The following STK39 variants were observed in gnomAD, a reference collection of about 807,000 sequenced individuals.
STK39 encodes STE20/SPS1-related proline-alanine-rich protein kinase.
In STK39, 20 loss-of-function variants were observed where a neutral mutation model predicts 77.8. The ratio of observed to expected loss-of-function variants is 0.26; its 90% CI spans 0.18 to 0.37. The LOEUF (loss-of-function observed/expected upper bound fraction) is 0.37. Ranked by LOEUF, STK39 falls within the 10% of genes least tolerant of loss-of-function variation. The pLI is 1.00. For synonymous variants in STK39, 246 were observed against 234.1 expected (o/e 1.05, Z -0.47); for missense variants, 479 against 656.5 (o/e 0.73, Z 2.95).
At chr2:168,016,675 C>T (rs1284585365) in intron 15 of STK39, among the ~76,000 whole-genome samples, 1 of 152,212 alleles carries the variant, frequency 6.6e-6, no homozygotes, top group East Asian at 1.9e-4. Flanking sequence ...AAGTATGTTA[C>T]CTTTCTGTAT....
intron 1 of STK39, among the ~76,000 whole-genome samples, chr2:168,242,591 AT>A: frequency 2.3e-5 from 3 of 131,060 alleles, no homozygotes; most frequent in African/African-American, 8.8e-5. Flanking sequence ...ATATATATAT[AT>A]ATATAAAGAG....
intron 1 of STK39, among the ~76,000 whole-genome samples, chr2:168,245,957 G>A (rs929718842): frequency 6.6e-6 from 1 of 151,914 alleles, no homozygotes; most frequent in African/African-American, 2.4e-5. Context: ...ATATTTTTAT[G>A]TATATATTTA....
chr2:168,036,205 C>CAG (rs1196282232), intron 14 of STK39, among the ~76,000 whole-genome samples: 1 of 151,260 alleles, frequency 6.6e-6, no homozygotes, highest in East Asian at 1.9e-4. Flanking sequence ...AACCACAGTA[C>CAG]TGTGAGTCCA....
intron 1 of STK39, among the ~76,000 whole-genome samples, chr2:168,243,112 A>G (rs928355625): frequency 1.3e-5 from 2 of 152,306 alleles, no homozygotes; most frequent in African/African-American, 2.4e-5. Flanking sequence ...GGAGATCAGA[A>G]CACACTCAGT....
Position 168,075,175 on chromosome 2 carries a change from C to T in STK39, c.1146G>A (p.Trp382Ter). 6.2e-7 allele frequency: 1 copy of T among 1,614,180 alleles called. No homozygotes were observed. Among genetic ancestry groups the T allele is most frequent in the Non-Finnish European group, 8.5e-7 (1 of 1,180,040 alleles). ...GHLHKTEDGDWEWSDDEMDEK... is the reference protein window; with the variant it reads ...GHLHKTEDGD ...CATCCATCTCGTCGTCACTCCACTCCCAGTCCCCGTCTTCGGTTTTATGAA... is the reference window on the plus strand; with the variant it reads ...CATCCATCTCGTCGTCACTCCACTCTCAGTCCCCGTCTTCGGTTTTATGAA... Residue 382 changes from tryptophan to a stop codon, truncating the protein, a stop_gained, in exon 11 of 18, where the codon TGG becomes TGA. Transcript: ENST00000355999. LOFTEE classifies it high-confidence loss of function.
At chr2:168,172,460 T>C (rs1688852721) in intron 2 of STK39, among the ~76,000 whole-genome samples, 1 of 152,220 alleles carries the variant, frequency 6.6e-6, no homozygotes, top group Non-Finnish European at 1.5e-5. Flanking sequence ...TATACCACCT[T>C]GTCATACTTC....
At chr2:168,216,350 G>A (rs1252630678) in intron 1 of STK39, among the ~76,000 whole-genome samples, 1 of 152,226 alleles carries the variant, frequency 6.6e-6, no homozygotes, top group East Asian at 1.9e-4. Flanking sequence ...CTTGAGGTTG[G>A]TTTGGGTTTT....
At chr2:168,063,594 G>A in intron 13 of STK39, 24 bp from the exon 14 acceptor site, 1 of 1,593,886 alleles carries the variant, frequency 6.3e-7, no homozygotes, top group Non-Finnish European at 8.6e-7. Context: ...ACAGCAAACA[G>A]TGTTATAAAC....
At chr2:167,968,381 A>T (rs549136350) in intron 16 of STK39, among the ~76,000 whole-genome samples, 1 of 152,340 alleles carries the variant, frequency 6.6e-6, no homozygotes, top group East Asian at 1.9e-4. Flanking sequence ...GACAGTTAGA[A>T]AAATAAGTTA....
chr2:167,984,753 C>T (rs532594761), intron 16 of STK39, among the ~76,000 whole-genome samples: 1 of 152,150 alleles, frequency 6.6e-6, no homozygotes, highest in African/African-American at 2.4e-5. Flanking sequence ...TGGGACTGAA[C>T]ATATTAATAA....
intron 1 of STK39, among the ~76,000 whole-genome samples, chr2:168,229,509 T>C (rs1428227862): frequency 6.6e-6 from 1 of 152,194 alleles, no homozygotes; most frequent in Non-Finnish European, 1.5e-5. Context: ...TGTAATTCTG[T>C]CAGTAACTAT....
At chr2:168,043,080 G>A (rs981606051) in intron 14 of STK39, among the ~76,000 whole-genome samples, 5 of 152,064 alleles carry the variant, frequency 3.3e-5, no homozygotes, top group African/African-American at 7.2e-5. Flanking sequence ...TGGCCCCTCC[G>A]TCCCCACCGC....
At chr2:168,009,261 A>T (rs1445193269) in intron 16 of STK39, among the ~76,000 whole-genome samples, 1 of 152,174 alleles carries the variant, frequency 6.6e-6, no homozygotes, top group Non-Finnish European at 1.5e-5. Flanking sequence ...TCTAGTAAAG[A>T]GGGAAATAGA....
intron 2 of STK39, among the ~76,000 whole-genome samples, chr2:168,170,888 A>C (rs1400310542): frequency 6.6e-6 from 1 of 152,176 alleles, no homozygotes; most frequent in East Asian, 1.9e-4. Flanking sequence ...AAGGGTAAAA[A>C]CTTCATTGAG....
chr2:168,129,468 T>C, intron 10 of STK39, 73 bp downstream of exon 10: 1 of 1,555,882 alleles, frequency 6.4e-7, no homozygotes, highest in Non-Finnish European at 8.8e-7. Context: ...GGAAATCTTT[T>C]TCCAATTTTT....
At chr2:168,024,430 G>A (rs1280906160) in intron 14 of STK39, among the ~76,000 whole-genome samples, 2 of 152,210 alleles carry the variant, frequency 1.3e-5, no homozygotes, top group African/African-American at 4.8e-5. Context: ...TGTGTTGGGA[G>A]GTAGGGCCTA....
rs1465581933 is a variant in STK39 at position 168,018,566 on chromosome 2, GAAAGAA to G, written c.1377-1477_1377-1472del. The stretch of plus-strand genomic sequence containing the variant: ...AGAAAGAAAGAAAGAAAGAAAGAAA[GAAAGAA>G]AGAAAGAAAGAAAGAAAGAAAGAAA... On this transcript the variant is annotated intron_variant, in intron 14 of 17. Transcript: ENST00000355999. 1.3e-3 allele frequency among the ~76,000 whole-genome samples: 190 copies of G among 142,278 alleles called. 1 individual carries two copies. The highest frequency in any genetic ancestry group is 4.3e-3 in the African/African-American group (154 of 35,494). The allele number at this position is 142,278 out of a possible 152,430, so 93.3% of individuals were successfully genotyped here.
At chr2:168,016,416 A>C (rs74504577) in intron 15 of STK39, among the ~76,000 whole-genome samples, 6,364 of 145,038 alleles carry the variant, frequency 0.044, 619 homozygotes, top group African/African-American at 0.16. Context: ...AAAAAAAACA[A>C]CACTACTGAA....
chr2:168,247,089 A>AAAAATTTTTAAC, intron 1 of STK39, 139 bp downstream of exon 1: 1 of 261,090 alleles, frequency 3.8e-6, no homozygotes, highest in African/African-American at 2.5e-5. Context: ...AAAAAAAAAA[A>AAAAATTTTTAAC]CTGTTGAAGC....
Sources: gnomAD v4.1 joint callset for allele counts (sites outside exome capture counted in the v4.1 genomes callset) on GRCh38, gnomAD v4.1.1 for gene constraint, MANE v1.5 for transcripts, NCBI Gene and HGNC (gene_info 2026-07-23, HGNC 2026-07-21) for gene names.